Variants in DHRS11 observed in about 807,000 individuals in gnomAD.
DHRS11 encodes the protein dehydrogenase/reductase 11, also known as dehydrogenase/reductase SDR family member 11.
In DHRS11, 18 loss-of-function variants were observed where a neutral mutation model predicts 30.7. The observed-to-expected ratio is 0.59, with a 90% CI of 0.41 to 0.87. The LOEUF is 0.87. Ranked by LOEUF, DHRS11 falls within the 40% of genes least tolerant of loss-of-function variation. The pLI is 0.00. For synonymous variants in DHRS11, 123 were observed against 139.6 expected (o/e 0.88, Z 0.84); for missense variants, 300 against 349.0 (o/e 0.86, Z 1.12).
intron 2 of DHRS11, chr17:36,596,948 A>G: frequency 2.2e-6 from 1 of 459,118 alleles, no homozygotes; most frequent in Non-Finnish European, 4.5e-6. Flanking sequence ...CTAAACCTGG[A>G]CCTCAACTCG....
Position 36,598,589 on chromosome 17 carries a change from G to C in DHRS11, c.452+332G>C. ...TGCCACTGGGGAGCCCCAGTCTGAG[G>C]GGGGACATGGCCTCTGCCTGCCTTG... is the stretch of plus-strand genomic sequence containing the variant. On this transcript the variant is annotated intron_variant, in intron 3 of 6. Transcript: ENST00000618403. The C allele has an allele frequency of 1.2e-5, 6 of 500,448 alleles. No homozygotes were observed. In the South Asian group the frequency reaches 1.6e-4, roughly 13 times the overall value. The allele number at this position is 500,448 out of a possible 1,614,324, so 31.0% of individuals were successfully genotyped here. A position where few individuals can be genotyped will look rare whatever the true frequency, so the allele number is the denominator to read the frequency against.
rs760780032 is a variant in DHRS11 at position 36,599,018 on chromosome 17, C to T, written c.550C>T (p.Leu184Phe). ...GCTGACAGAGGGACTGAGGCAAGAG[C>T]TTCGGGAGGCCCAGACCCACATCCG... Reference protein sequence around the residue: ...TALTEGLRQELREAQTHIRAT... With the variant: ...TALTEGLRQEFREAQTHIRAT... Residue 184 changes from leucine to phenylalanine, a missense_variant, in exon 4 of 7, where the codon CTT (leucine) becomes TTT (phenylalanine). By Grantham distance (22) the Leu-to-Phe change is conservative (BLOSUM62 0). Transcript: ENST00000618403. The T allele has an allele frequency of 2.5e-6, 4 of 1,612,916 alleles. No individual in the cohort carries two copies. The East Asian group carries it at 6.7e-5, about 27-fold the overall frequency.
intron 3 of DHRS11, 98 bp from the exon 4 acceptor site, chr17:36,598,823 G>A: frequency 6.8e-7 from 1 of 1,471,136 alleles, no homozygotes; most frequent in Non-Finnish European, 9.2e-7. Flanking sequence ...TCTTCCCGAT[G>A]GGCATCTGGG....
Position 36,592,229 on chromosome 17 carries a change from G to A in DHRS11, c.147+73G>A. 2 of 1,230,666 alleles carry A rather than the reference G, an allele frequency of 1.6e-6. No homozygotes were observed. The highest frequency in any genetic ancestry group is 3.2e-5 in the East Asian group (1 of 31,626). 76.2% of individuals were successfully genotyped at this position (1,230,666 alleles called of 1,614,324 possible). On this transcript the variant is annotated intron_variant, in intron 1 of 6. Coordinates refer to ENST00000618403, the MANE Select transcript of DHRS11 (RefSeq NM_024308.4). The surrounding 1 kb of genome is among the most constrained non-coding windows in gnomAD (Gnocchi z 4.4). The stretch of plus-strand genomic sequence containing the variant: ...GGAGTCGGGTTCACCTGCCCGCCAC[G>A]CCGGGGCCCTTTGCTCTAGTCGGGG...
In DHRS11 at chr17:36,600,163, T is replaced by G. The variant is rs1340565258; in HGVS notation, c.743T>G (p.Ile248Ser). 6.2e-7 allele frequency: 1 copy of G among 1,613,154 alleles called. No homozygotes were observed. The highest frequency in any genetic ancestry group is 8.5e-7 in the Non-Finnish European group (1 of 1,179,662). Residue 248 changes from isoleucine (I) to serine (S), a missense_variant and splice_region_variant, in exon 7 of 7, where the codon ATT becomes AGT. By Grantham distance (142) the Ile-to-Ser change is moderately radical. Transcript: ENST00000618403. ...CCTCATGCCTTGTACCTTCCACAGATTGGAGACATCCAGATGAGGCCCACG... is the reference window on the plus strand; with the variant it reads ...CCTCATGCCTTGTACCTTCCACAGAGTGGAGACATCCAGATGAGGCCCACG... ...YVLSTPAHIQ[I>S]GDIQMRPTEQ...
intron 1 of DHRS11, 152 bp from the exon 2 acceptor site, chr17:36,594,819 T>C: frequency 1.4e-6 from 1 of 714,860 alleles, no homozygotes; most frequent in South Asian, 1.7e-5. Context: ...AGGACAGACT[T>C]AGGGGATGGG....
chr17:36,596,514 C>T, intron 2 of DHRS11: 1 of 214,598 alleles, frequency 4.7e-6, no homozygotes, highest in Non-Finnish European at 9.5e-6. Flanking sequence ...TGACACCCCC[C>T]CACTCCCATT....
intron 5 of DHRS11, 83 bp from the exon 6 acceptor site, chr17:36,599,889 G>A: frequency 6.3e-7 from 1 of 1,582,532 alleles, no homozygotes; most frequent in Middle Eastern, 1.7e-4. Flanking sequence ...GTGGATGTGT[G>A]GATGCCACAG....
intron 1 of DHRS11, chr17:36,594,764 T>C: frequency 1.6e-6 from 1 of 606,516 alleles, no homozygotes; most frequent in Admixed American, 2.9e-5. Flanking sequence ...GCCTTTTCCC[T>C]TCATCACTCG....
rs200809998 is a variant in DHRS11 at position 36,599,689 on chromosome 17, G to A, written c.601G>A (p.Val201Met). The change falls in exon 5 of 7, where the codon GTG (valine) becomes ATG (methionine). Residue 201 changes from valine (V) to methionine (M), a missense_variant. Val to Met is a conservative substitution (Grantham distance 21). Transcript: ENST00000618403. ...IRATCISPGV[V>M]ETQFAFKLHD... ...GGCCCAGTGCATCTCTCCAGGTGTG[G>A]TGGAGACACAATTCGCCTTCAAACT... 3.1e-5 allele frequency: 50 copies of A among 1,614,164 alleles called. No homozygotes were observed. The highest frequency in any genetic ancestry group is 6.7e-5 in the East Asian group (3 of 44,874).
At chr17:36,598,652 T>G (rs1027727928) in intron 3 of DHRS11, 1 of 526,020 alleles carries the variant, frequency 1.9e-6, no homozygotes, top group Non-Finnish European at 3.4e-6. Flanking sequence ...AACATACAGA[T>G]TAGATGGAGA....
chr17:36,595,301 C>A, intron 2 of DHRS11, 121 bp downstream of exon 2: 1 of 1,019,148 alleles, frequency 9.8e-7, no homozygotes, highest in Non-Finnish European at 1.4e-6. Context: ...CTTCGGGTTC[C>A]CACCTGGGGC....
chr17:36,600,668 G>A lies in DHRS11; in HGVS notation c.*465G>A. 9.6e-6 allele frequency: 2 copies of A among 208,034 alleles called. No individual in the cohort carries two copies. Among genetic ancestry groups the A allele is most frequent in the Non-Finnish European group, 2.0e-5 (2 of 102,262 alleles). 12.9% of individuals were successfully genotyped at this position (208,034 alleles called of 1,614,324 possible). On this transcript the variant is annotated 3_prime_UTR_variant, in exon 7 of 7. Coordinates refer to ENST00000618403, the MANE Select transcript of DHRS11 (RefSeq NM_024308.4). The stretch of plus-strand genomic sequence containing the variant: ...CTCCCCCTTATCTATCTCCTTCTCG[G>A]CTCCCCAGCCCAGTCTTGGCTTCTT...
intron 6 of DHRS11, 58 bp from the exon 7 acceptor site, chr17:36,600,104 A>C: frequency 6.2e-7 from 1 of 1,613,666 alleles, no homozygotes; most frequent in Non-Finnish European, 8.5e-7. Flanking sequence ...GGGAGCAGGG[A>C]GCCCTGCAGG....
At chr17:36,599,520 C>T in intron 4 of DHRS11, 151 bp from the exon 5 acceptor site, 3 of 695,680 alleles carry the variant, frequency 4.3e-6, no homozygotes, top group Non-Finnish European at 7.5e-6. Flanking sequence ...GTGGTCACTG[C>T]CAGTGGCAGC....
rs1471431195 is a variant in DHRS11, at chr17:36,592,288, C to T, written c.147+132C>T. 5 of 1,124,746 alleles carry T rather than the reference C, an allele frequency of 4.4e-6. No individual in the cohort carries two copies. Among genetic ancestry groups the T allele is most frequent in the East Asian group, 3.2e-5 (1 of 30,920 alleles). 69.7% of individuals were successfully genotyped at this position (1,124,746 alleles called of 1,614,324 possible). ...CGGATCCCTTAAGGCAGGCTTCTCC[C>T]TTCCCCTTAAGTCTCATCTTTGAAG... On this transcript the variant is annotated intron_variant, in intron 1 of 6. Transcript: ENST00000618403. The surrounding 1 kb of genome is among the most constrained non-coding windows in gnomAD (Gnocchi z 4.4).
At position 36,592,072 on chromosome 17, in the gene DHRS11, G is replaced by T; in HGVS notation, c.63G>T (p.Gly21=). 1 of 1,240,590 alleles carries T rather than the reference G, an allele frequency of 8.1e-7. No homozygotes were observed. The highest frequency in any genetic ancestry group is 1.0e-6 in the Non-Finnish European group (1 of 991,718). The allele number at this position is 1,240,590 out of a possible 1,614,324, so 76.8% of individuals were successfully genotyped here. A position where few individuals can be genotyped will look rare whatever the true frequency, so the allele number is the denominator to read the frequency against. The change falls in exon 1 of 7, where the codon GGG becomes GGT. Residue 21 remains glycine (G), a synonymous_variant. Transcript: ENST00000618403. This position sits in a 1 kb window ranked among gnomAD's most constrained non-coding sequence, Gnocchi z 4.4. ...TGGCGCTGGTGACGGGGGCCTCGGGGGGCATCGGCGCGGCCGTGGCCCGGG... is the reference window on the plus strand; with the variant it reads ...TGGCGCTGGTGACGGGGGCCTCGGGTGGCATCGGCGCGGCCGTGGCCCGGG... ...DRLALVTGAS[G]GIGAAVARAL...
chr17:36,600,141 C>T (rs1161923185), intron 6 of DHRS11, 21 bp from the exon 7 acceptor site: 5 of 1,606,634 alleles, frequency 3.1e-6, no homozygotes, highest in Admixed American at 3.4e-5. Flanking sequence ...ACAGCTGCCT[C>T]ATGCCTTGTA....
rs979808357 is a variant in DHRS11 at position 36,592,857 on chromosome 17, T to C, written c.147+701T>C. ...TGCTAGGCTCTCTCTGGATGTGCCCTGTAAGCTCATTCTCAGTGTCGGGCT... is the reference window on the plus strand; with the variant it reads ...TGCTAGGCTCTCTCTGGATGTGCCCCGTAAGCTCATTCTCAGTGTCGGGCT... On this transcript the variant is annotated intron_variant, in intron 1 of 6. Coordinates refer to ENST00000618403, the MANE Select transcript of DHRS11 (RefSeq NM_024308.4). The surrounding 1 kb of genome is among the most constrained non-coding windows in gnomAD (Gnocchi z 4.4). Among the ~76,000 whole-genome samples the C allele has an allele frequency of 6.6e-6, 1 of 152,126 alleles. No homozygotes were observed. Among genetic ancestry groups the C allele is most frequent in the Non-Finnish European group, 1.5e-5 (1 of 68,020 alleles).
Sources: gnomAD v4.1 joint callset for allele counts (sites outside exome capture counted in the v4.1 genomes callset) on GRCh38, gnomAD v4.1.1 for gene constraint, Gnocchi (gnomAD v3.1) non-coding constraint, MANE v1.5 for transcripts, NCBI Gene and HGNC (gene_info 2026-07-23, HGNC 2026-07-21) for gene names.